Variants in CTR9 observed in about 807,000 individuals in gnomAD.
The protein encoded by CTR9 is CTR9 component of Paf1/RNA polymerase II complex, also known as RNA polymerase-associated protein CTR9 homolog.
CTR9 carries 41 observed loss-of-function variants against 152.1 expected under a neutral mutation model. The observed-to-expected ratio is 0.27, with a 90% CI of 0.21 to 0.35. The LOEUF (loss-of-function observed/expected upper bound fraction) is 0.35. Ranked by LOEUF, CTR9 falls within the 10% of genes least tolerant of loss-of-function variation. The pLI, the probability that CTR9 is intolerant of heterozygous loss-of-function variation, is 1.00. For missense variants in CTR9, 917 were observed against 1,424.4 expected, an observed-to-expected ratio of 0.64 and a Z score of 5.73; for synonymous variants, 476 against 496.2, an observed-to-expected ratio of 0.96 and a Z score of 0.54.
chr11:10,766,870 A>G (rs1322391404), intron 13 of CTR9, among the ~76,000 whole-genome samples: 1 of 152,146 alleles, frequency 6.6e-6, no homozygotes, highest in Non-Finnish European at 1.5e-5. Context: ...TTTGTATGGA[A>G]CCATAGCTAT....
chr11:10,770,677 T>C, intron 18 of CTR9, 45 bp downstream of exon 18: 1 of 1,559,646 alleles, frequency 6.4e-7, no homozygotes. Context: ...TTATTTGGTC[T>C]ATGACCATAC....
chr11:10,755,881 C>T, intron 4 of CTR9, 86 bp downstream of exon 4: 1 of 690,706 alleles, frequency 1.4e-6, no homozygotes, highest in Non-Finnish European at 2.5e-6. Flanking sequence ...TCCTTAATAA[C>T]TCAGCTAGAC....
intron 2 of CTR9, 33 bp downstream of exon 2, chr11:10,752,803 G>A (rs1204808099): frequency 2.6e-6 from 4 of 1,523,754 alleles, no homozygotes; most frequent in Non-Finnish European, 2.7e-6. Context: ...TTTTTTATTT[G>A]TTGACTAGGA....
intron 19 of CTR9, 27 bp from the exon 20 acceptor site, chr11:10,772,493 T>C (rs780706566): frequency 2.1e-6 from 3 of 1,402,078 alleles, no homozygotes; most frequent in Middle Eastern, 1.9e-4. Context: ...GTTACATTCA[T>C]GTTTCTCTAA....
intron 22 of CTR9, 34 bp from the exon 23 acceptor site, chr11:10,775,173 T>C (rs1590028177): frequency 6.4e-7 from 1 of 1,558,122 alleles, no homozygotes; most frequent in African/African-American, 1.4e-5. Context: ...AGGTAGGCTC[T>C]TGACAAACTC....
intron 21 of CTR9, among the ~76,000 whole-genome samples, chr11:10,773,538 A>C (rs1204091759): frequency 6.6e-6 from 1 of 152,046 alleles, no homozygotes; most frequent in East Asian, 1.9e-4. Context: ...CTTTCGTCTC[A>C]ATTAGAAGTC....
At chr11:10,760,763 G>C (rs1336354463) in intron 6 of CTR9, among the ~76,000 whole-genome samples, 1 of 152,300 alleles carries the variant, frequency 6.6e-6, no homozygotes, top group South Asian at 2.1e-4. Context: ...TACTAAACCA[G>C]TTGTCAAAGG....
intron 22 of CTR9, among the ~76,000 whole-genome samples, chr11:10,774,616 A>G (rs1863201416): frequency 6.6e-6 from 1 of 152,138 alleles, no homozygotes; most frequent in Admixed American, 6.5e-5. Flanking sequence ...AAAACCACCC[A>G]GTGTTCTCTG....
intron 18 of CTR9, among the ~76,000 whole-genome samples, chr11:10,771,274 A>G (rs561292340): frequency 2.6e-5 from 4 of 152,324 alleles, no homozygotes; most frequent in Admixed American, 6.5e-5. Flanking sequence ...CGTAACCTCC[A>G]TCCTGACATA....
At position 10,761,924 on chromosome 11, in the gene CTR9, C is replaced by T. The variant is rs368195628; in HGVS notation, c.742-23C>T. On this transcript the variant is annotated intron_variant, in intron 6 of 24. Coordinates refer to ENST00000361367, the MANE Select transcript of CTR9 (RefSeq NM_014633.5). ...TAATTTAGTATTGTTTTCACTCCAC[C>T]TTGTTGCAATGTTTTCTTTTAGGCT... is the stretch of plus-strand genomic sequence containing the variant. 39 of 1,483,146 alleles carry T rather than the reference C, an allele frequency of 2.6e-5. No homozygotes were observed. In the African/African-American group the frequency reaches 5.2e-4, roughly 20 times the overall value. The allele number at this position is 1,483,146 out of a possible 1,614,324, so 91.9% of individuals were successfully genotyped here.
At chr11:10,777,166 G>T (rs912661139) in intron 24 of CTR9, among the ~76,000 whole-genome samples, 1 of 152,030 alleles carries the variant, frequency 6.6e-6, no homozygotes, top group Non-Finnish European at 1.5e-5. Flanking sequence ...TGAGGCAGAG[G>T]TTAGCATGTT....
At position 10,751,457 on chromosome 11, in the gene CTR9, G is replaced by A. The variant is rs778820464; in HGVS notation, c.45G>A (p.Glu15=). Residue 15 remains glutamate (E), a splice_region_variant and synonymous_variant, in exon 1 of 25, where the codon GAG becomes GAA. Coordinates refer to ENST00000361367, the MANE Select transcript of CTR9 (RefSeq NM_014633.5). The part of the protein sequence containing the change: ...SIEIPLRDTD[E]VIELDFDQLP... ...AGATTCCCCTCCGGGACACTGACGA[G>A]GTAAGTGTCGTGTATGGAGGCGGGT... 4 of 1,613,782 alleles carry A rather than the reference G, an allele frequency of 2.5e-6. No individual in the cohort carries two copies. The highest frequency in any genetic ancestry group is 4.5e-5 in the East Asian group (2 of 44,878).
chr11:10,766,223 G>T, intron 12 of CTR9, 179 bp from the exon 13 acceptor site: 1 of 589,398 alleles, frequency 1.7e-6, no homozygotes, highest in Non-Finnish European at 2.9e-6. Flanking sequence ...AGTCTAGATG[G>T]TGACAAAATT....
chr11:10,754,007 T>C (rs1274328733), intron 2 of CTR9, among the ~76,000 whole-genome samples: 1 of 152,210 alleles, frequency 6.6e-6, no homozygotes, highest in Non-Finnish European at 1.5e-5. Context: ...ATTCCTTTCA[T>C]GGTATGTGAC....
At chr11:10,756,886 T>A in intron 5 of CTR9, 48 bp downstream of exon 5, 1 of 1,162,128 alleles carries the variant, frequency 8.6e-7, no homozygotes, top group Non-Finnish European at 1.3e-6. Flanking sequence ...TTACCCAGCT[T>A]AAAGCATTGA....
chr11:10,773,380 C>G, intron 21 of CTR9, 107 bp downstream of exon 21: 7 of 1,343,742 alleles, frequency 5.2e-6, no homozygotes, highest in Non-Finnish European at 7.2e-6. Context: ...GTTTTGACTT[C>G]CTCTTTTGTT....
chr11:10,771,525 T>G lies in CTR9; in HGVS notation c.2373-20T>G. 1 of 1,496,202 alleles carries G rather than the reference T, an allele frequency of 6.7e-7. No homozygotes were observed. The highest frequency in any genetic ancestry group is 9.3e-7 in the Non-Finnish European group (1 of 1,074,748). The allele number at this position is 1,496,202 out of a possible 1,614,324, so 92.7% of individuals were successfully genotyped here. A position where few individuals can be genotyped will look rare whatever the true frequency, so the allele number is the denominator to read the frequency against. On this transcript the variant is annotated intron_variant, in intron 18 of 24. Transcript: ENST00000361367. Reference sequence around the variant, plus strand: ...AGAATCTCTTTTTTTAAAAGTGAAGTATTTTCTCGTTTCATTTAGATACTT... The same window carrying G: ...AGAATCTCTTTTTTTAAAAGTGAAGGATTTTCTCGTTTCATTTAGATACTT...
rs373153196 is a variant in CTR9 at position 10,774,387 on chromosome 11, G to A, written c.2885+218G>A. 3.7e-5 allele frequency: 15 copies of A among 400,228 alleles called. 1 individual carries two copies. The highest frequency in any genetic ancestry group is 1.5e-3 in the Middle Eastern group (2 of 1,368). 24.8% of individuals were successfully genotyped at this position (400,228 alleles called of 1,614,324 possible). ...CGTCTCCACAGCTTTCCTTCTAAGC[G>A]CTGCAAGTTAGTCATAATTGCCTTT... On this transcript the variant is annotated intron_variant, in intron 22 of 24. Transcript: ENST00000361367.
Position 10,756,771 on chromosome 11 carries a change from C to T in CTR9, c.525C>T (p.Asn175=). The T allele has an allele frequency of 1.2e-6, 2 of 1,610,826 alleles. No homozygotes were observed. The highest frequency in any genetic ancestry group is 8.5e-7 in the Non-Finnish European group (1 of 1,178,578). The change falls in exon 5 of 25, where the codon AAC becomes AAT. Residue 175 remains asparagine, a synonymous_variant. Transcript: ENST00000361367. ...ALLGKACISF[N]KKDYRGALAY... The stretch of plus-strand genomic sequence containing the variant: ...CAGGTAAAGCTTGCATTTCCTTCAA[C>T]AAGAAGGATTACAGAGGAGCTCTTG...
Sources: allele counts gnomAD v4.1 joint callset (sites outside exome capture counted in the v4.1 genomes callset), GRCh38; gene constraint gnomAD v4.1.1; transcripts MANE v1.5; gene names NCBI Gene and HGNC (gene_info 2026-07-23, HGNC 2026-07-21).